Variants in CLSTN2 observed in about 807,000 individuals in gnomAD.
CLSTN2 encodes calsyntenin-2.
Under a neutral mutation model 101.2 loss-of-function variants are expected in CLSTN2, and 48 were observed. The ratio of observed to expected loss-of-function variants is 0.47; its 90% CI spans 0.38 to 0.60. The LOEUF (loss-of-function observed/expected upper bound fraction) is 0.60. Among genes scored for constraint, CLSTN2 ranks in the 20% least tolerant of loss-of-function variants. The probability of loss-of-function intolerance (pLI) is 0.00; values close to 1 mark genes in which losing one functional copy is unlikely to be tolerated. For synonymous variants in CLSTN2, 481 were observed against 463.6 expected (o/e 1.04, Z -0.48); for missense variants, 1,160 against 1,238.2 (o/e 0.94, Z 0.95).
chr3:139,984,388 T>C (rs551686407), intron 1 of CLSTN2, among the ~76,000 whole-genome samples: 11 of 152,298 alleles, frequency 7.2e-5, no homozygotes, highest in Non-Finnish European at 1.5e-4. Context: ...CTCTCTGCTC[T>C]TATTCTCCCT....
At chr3:140,075,841 G>A (rs1180659452) in intron 1 of CLSTN2, among the ~76,000 whole-genome samples, 11 of 152,060 alleles carry the variant, frequency 7.2e-5, no homozygotes, top group African/African-American at 2.4e-4. Flanking sequence ...AGGAGGGGCC[G>A]TGTCATCATG....
chr3:140,459,851 C>T, intron 7 of CLSTN2, 82 bp downstream of exon 7: 1 of 1,482,848 alleles, frequency 6.7e-7, no homozygotes, highest in Non-Finnish European at 9.3e-7. Context: ...ATGGACACAG[C>T]CAAGGAGGAT....
intron 2 of CLSTN2, among the ~76,000 whole-genome samples, chr3:140,289,337 TG>T (rs777903238): frequency 2.3e-3 from 356 of 151,496 alleles, no homozygotes; most frequent in African/African-American, 3.6e-3. Context: ...TGTTTTTTTT[TG>T]TTTGTTTGTT....
chr3:140,391,058 T>G lies in CLSTN2; in HGVS notation c.233-12571T>G, dbSNP rs150764468. Among the ~76,000 whole-genome samples, 720 of 152,318 alleles carry G rather than the reference T, an allele frequency of 4.7e-3. 8 individuals are homozygous for G. The highest frequency in any genetic ancestry group is 0.017 in the African/African-American group (695 of 41,570). ...AAAAGGCTGGCAGTCTGTCCCCACA[T>G]GCAGGGGACTGGGGGCAGCCAGAGA... On this transcript the variant is annotated intron_variant, in intron 2 of 16. Coordinates refer to ENST00000458420, the MANE Select transcript of CLSTN2 (RefSeq NM_022131.3).
Position 140,403,565 on chromosome 3 carries a change from G to C in CLSTN2, c.233-64G>C. ...TTGAGTTTGTGAATCTGGTCCAATG[G>C]AAGCACTGTCTTCAGTCTGGCAATT... On this transcript the variant is annotated intron_variant, in intron 2 of 16. Coordinates refer to ENST00000458420, the MANE Select transcript of CLSTN2 (RefSeq NM_022131.3). 5 of 1,364,348 alleles carry C rather than the reference G, an allele frequency of 3.7e-6. No individual in the cohort carries two copies. The South Asian group carries it at 5.3e-5, about 15-fold the overall frequency. 84.5% of individuals were successfully genotyped at this position (1,364,348 alleles called of 1,614,324 possible). A position where few individuals can be genotyped will look rare whatever the true frequency, so the allele number is the denominator to read the frequency against.
chr3:140,063,544 C>T (rs994887421), intron 1 of CLSTN2, among the ~76,000 whole-genome samples: 1 of 152,102 alleles, frequency 6.6e-6, no homozygotes, highest in Admixed American at 6.5e-5. Flanking sequence ...GTAAAGTCAT[C>T]CTTATCTTAG....
At chr3:140,297,844 A>G (rs2087018894) in intron 2 of CLSTN2, among the ~76,000 whole-genome samples, 1 of 152,186 alleles carries the variant, frequency 6.6e-6, no homozygotes, top group African/African-American at 2.4e-5. Flanking sequence ...GGCTCAACCT[A>G]ATACAGGTGG....
At chr3:139,943,962 C>G (rs981637933) in intron 1 of CLSTN2, among the ~76,000 whole-genome samples, 2 of 152,188 alleles carry the variant, frequency 1.3e-5, no homozygotes, top group South Asian at 4.1e-4. Context: ...CAAAATAGAT[C>G]CCAAACTCTC....
intron 8 of CLSTN2, among the ~76,000 whole-genome samples, chr3:140,514,206 G>C (rs1457081247): frequency 6.6e-6 from 1 of 151,972 alleles, no homozygotes; most frequent in Non-Finnish European, 1.5e-5. Flanking sequence ...AAGTTCTTTA[G>C]TGGTGATTTT....
chr3:140,234,214 A>C (rs113554483), intron 2 of CLSTN2, among the ~76,000 whole-genome samples: 1 of 152,178 alleles, frequency 6.6e-6, no homozygotes, highest in South Asian at 2.1e-4. Flanking sequence ...ATAAAGCTTT[A>C]TGTTTTTGTA....
intron 1 of CLSTN2, among the ~76,000 whole-genome samples, chr3:140,076,635 T>TTTTG (rs1447727679): frequency 7.1e-6 from 1 of 140,554 alleles, no homozygotes; most frequent in Admixed American, 7.2e-5. Flanking sequence ...GTTTTTTTTT[T>TTTTG]TTTTTTTTTT....
chr3:140,491,793 G>GCC (rs759592927), intron 8 of CLSTN2, among the ~76,000 whole-genome samples: 4 of 152,232 alleles, frequency 2.6e-5, no homozygotes, highest in Non-Finnish European at 4.4e-5. Context: ...CTGCACTCCA[G>GCC]CCTGGGCAAC....
At chr3:140,378,416 G>A (rs1315639027) in intron 2 of CLSTN2, among the ~76,000 whole-genome samples, 1 of 152,226 alleles carries the variant, frequency 6.6e-6, no homozygotes, top group Non-Finnish European at 1.5e-5. Context: ...ACAAGCTTAG[G>A]CTGTATGAGG....
intron 8 of CLSTN2, 87 bp downstream of exon 8, chr3:140,466,818 C>T: frequency 6.4e-7 from 1 of 1,562,936 alleles, no homozygotes; most frequent in Non-Finnish European, 8.7e-7. Flanking sequence ...TGGGGAGGCA[C>T]TGCAAGGTCC....
chr3:140,066,997 C>T (rs563577881), intron 1 of CLSTN2, among the ~76,000 whole-genome samples: 16 of 152,300 alleles, frequency 1.1e-4, no homozygotes, highest in East Asian at 9.6e-4. Flanking sequence ...TCAATCTCAA[C>T]GAAGAGGTTT....
intron 1 of CLSTN2, among the ~76,000 whole-genome samples, chr3:139,956,930 C>T (rs1935417070): frequency 1.3e-5 from 2 of 152,214 alleles, no homozygotes; most frequent in African/African-American, 4.8e-5. Context: ...AATGCATCCT[C>T]CCCTCTTTCT....
chr3:140,327,332 A>G (rs1351571450), intron 2 of CLSTN2, among the ~76,000 whole-genome samples: 1 of 152,236 alleles, frequency 6.6e-6, no homozygotes, highest in African/African-American at 2.4e-5. Flanking sequence ...GGACAATAAC[A>G]GGTAGAATAA....
chr3:140,163,232 G>A (rs1576451229), intron 1 of CLSTN2, among the ~76,000 whole-genome samples: 1 of 152,234 alleles, frequency 6.6e-6, no homozygotes, highest in East Asian at 1.9e-4. Context: ...ACATGGATGA[G>A]CCTCATCCAA....
At chr3:139,995,311 C>T (rs1936183904) in intron 1 of CLSTN2, among the ~76,000 whole-genome samples, 1 of 152,196 alleles carries the variant, frequency 6.6e-6, no homozygotes, top group African/African-American at 2.4e-5. Context: ...GCCTCCACAC[C>T]TCACAGCATA....
Sources: allele counts gnomAD v4.1 joint callset (sites outside exome capture counted in the v4.1 genomes callset), GRCh38; gene constraint gnomAD v4.1.1; transcripts MANE v1.5; gene names NCBI Gene and HGNC (gene_info 2026-07-23, HGNC 2026-07-21).